The following EMID1 variants were observed in gnomAD, a reference collection of about 807,000 sequenced individuals.
EMID1 encodes EMI domain containing 1.
Under a neutral mutation model 60.6 loss-of-function variants are expected in EMID1, and 40 were observed. That is an observed-to-expected ratio of 0.66 (90% CI 0.51 to 0.86). The LOEUF (loss-of-function observed/expected upper bound fraction) is 0.86, where lower values mean the gene tolerates loss of function less well. Ranked by LOEUF, EMID1 falls within the 40% of genes least tolerant of loss-of-function variation. EMID1 has a pLI of 0.00. For synonymous variants in EMID1, 242 were observed against 231.0 expected (o/e 1.05, Z -0.43); for missense variants, 585 against 597.1 (o/e 0.98, Z 0.21).
chr22:29,237,901 T>C lies in EMID1; in HGVS notation c.1074+3552T>C, dbSNP rs2041013649. On this transcript the variant is annotated intron_variant, in intron 12 of 14. Coordinates refer to ENST00000334018, the MANE Select transcript of EMID1 (RefSeq NM_133455.4). ...TCCCAGTTGGCTTTATTTGTGATTCTAGAATCGGGCAACACTTCATTCCAT... is the reference window on the plus strand; with the variant it reads ...TCCCAGTTGGCTTTATTTGTGATTCCAGAATCGGGCAACACTTCATTCCAT... Among the ~76,000 whole-genome samples the C allele has an allele frequency of 1.4e-5, 2 of 145,126 alleles. 1 individual carries two copies. Among genetic ancestry groups the C allele is most frequent in the African/African-American group, 5.4e-5 (2 of 36,834 alleles).
intron 13 of EMID1, chr22:29,253,999 G>A (rs1180685523): frequency 3.0e-6 from 3 of 985,342 alleles, no homozygotes; most frequent in Non-Finnish European, 3.6e-6. Flanking sequence ...GGGAGGTCCT[G>A]CAGGGGTTGC....
chr22:29,234,909 G>T (rs2040885557), intron 12 of EMID1, among the ~76,000 whole-genome samples: 1 of 151,216 alleles, frequency 6.6e-6, no homozygotes, highest in Admixed American at 6.6e-5. Flanking sequence ...ATCATGGCTG[G>T]GTGTGGTGGC....
rs528680680 is a variant in EMID1, at chr22:29,205,912, C to T, written c.-127C>T. On this transcript the variant is annotated 5_prime_UTR_variant, in exon 1 of 15. Transcript: ENST00000334018. ...CGCCCGCCCGCCTCCTGCCCGCCCT[C>T]CGGCCGCGGAGCTGGAAACCGGGCT... 201 of 362,884 alleles carry T rather than the reference C, an allele frequency of 5.5e-4. 1 individual carries two copies. In the East Asian group the frequency reaches 0.027, roughly 49 times the overall value. The allele number at this position is 362,884 out of a possible 1,614,324, so 22.5% of individuals were successfully genotyped here.
At chr22:29,226,646 C>A in intron 5 of EMID1, 95 bp downstream of exon 5, 1 of 1,286,500 alleles carries the variant, frequency 7.8e-7, no homozygotes, top group Non-Finnish European at 1.1e-6. Flanking sequence ...CCCCGCACCC[C>A]ATGCTCGCAC....
At chr22:29,218,830 CCA>C (rs2040183745) in intron 3 of EMID1, among the ~76,000 whole-genome samples, 1 of 152,186 alleles carries the variant, frequency 6.6e-6, no homozygotes, top group African/African-American at 2.4e-5. Context: ...CAGATCAGCC[CCA>C]CTGTCCGGAT....
At chr22:29,255,208 G>GGGCCCC in intron 14 of EMID1, 20 of 815,172 alleles carry the variant, frequency 2.5e-5, no homozygotes, top group Non-Finnish European at 3.2e-5. Flanking sequence ...TCCCCGCTTG[G>GGGCCCC]CTCCCCAGCC....
intron 12 of EMID1, among the ~76,000 whole-genome samples, chr22:29,240,347 G>A (rs1338297947): frequency 6.6e-6 from 1 of 152,152 alleles, no homozygotes; most frequent in Non-Finnish European, 1.5e-5. Flanking sequence ...AAAGCTGAGT[G>A]TTGGGAGGGA....
At chr22:29,220,025 A>G (rs77265047) in intron 3 of EMID1, among the ~76,000 whole-genome samples, 11,309 of 151,804 alleles carry the variant, frequency 0.074, 478 homozygotes, top group African/African-American at 0.099. Context: ...TGGAAGTCCC[A>G]GCAACCCCCA....
intron 1 of EMID1, among the ~76,000 whole-genome samples, chr22:29,211,326 T>G (rs2039872359): frequency 6.6e-6 from 1 of 152,240 alleles, no homozygotes; most frequent in Non-Finnish European, 1.5e-5. Flanking sequence ...CTGCTGGATT[T>G]GCCTTAGCCT....
intron 13 of EMID1, among the ~76,000 whole-genome samples, chr22:29,248,259 CT>C (rs33924066): frequency 0.033 from 3,822 of 115,858 alleles, 76 homozygotes; most frequent in Admixed American, 0.073. Flanking sequence ...GTGCCTGGCC[CT>C]TTTTTTTTTT....
chr22:29,231,329 C>G (rs2040732367), intron 6 of EMID1, 189 bp downstream of exon 6: 1 of 962,166 alleles, frequency 1.0e-6, no homozygotes, highest in African/African-American at 1.6e-5. Context: ...GCTGCAGTCC[C>G]TGGAGACCAA....
chr22:29,257,852 T>A (rs188117832), intron 14 of EMID1, among the ~76,000 whole-genome samples: 3 of 152,136 alleles, frequency 2.0e-5, no homozygotes, highest in African/African-American at 4.8e-5. Context: ...CCAGCTGGCA[T>A]TGGGGCCAGT....
At chr22:29,230,336 GA>G (rs35728607) in intron 5 of EMID1, among the ~76,000 whole-genome samples, 90,895 of 147,306 alleles carry the variant, frequency 0.62, 27,756 homozygotes, top group African/African-American at 0.63. Flanking sequence ...CTCCATCTTG[GA>G]AAAAAAAAAA....
At chr22:29,234,925 C>G (rs915800078) in intron 12 of EMID1, among the ~76,000 whole-genome samples, 2 of 151,668 alleles carry the variant, frequency 1.3e-5, no homozygotes, top group African/African-American at 4.8e-5. Flanking sequence ...GTGGCTCACA[C>G]CTGTAATCCC....
chr22:29,230,885 G>A lies in EMID1; in HGVS notation c.466-135G>A, dbSNP rs115096771. The stretch of plus-strand genomic sequence containing the variant: ...GCAGAAGGATCGCTTAAGCCCGGGT[G>A]GTTGAGGCTGCATGAGCCGTCATAG... On this transcript the variant is annotated intron_variant, in intron 5 of 14. Coordinates refer to ENST00000334018, the MANE Select transcript of EMID1 (RefSeq NM_133455.4). The A allele has an allele frequency of 7.7e-4, 871 of 1,134,904 alleles. 7 individuals carry two copies. In the African/African-American group the frequency reaches 0.012, roughly 15 times the overall value. 70.3% of individuals were successfully genotyped at this position (1,134,904 alleles called of 1,614,324 possible). A position where few individuals can be genotyped will look rare whatever the true frequency, so the allele number is the denominator to read the frequency against.
intron 13 of EMID1, among the ~76,000 whole-genome samples, chr22:29,247,491 C>T (rs1219503472): frequency 6.6e-6 from 1 of 152,200 alleles, no homozygotes; most frequent in Non-Finnish European, 1.5e-5. Flanking sequence ...TATGGTGTAG[C>T]CAATTGCTCC....
At chr22:29,240,593 G>C (rs2041118047) in intron 12 of EMID1, among the ~76,000 whole-genome samples, 1 of 152,224 alleles carries the variant, frequency 6.6e-6, no homozygotes, top group South Asian at 2.1e-4. Context: ...GTCTAGACTT[G>C]CTGGCTCCTT....
chr22:29,248,924 G>A (rs1359869584), intron 13 of EMID1, among the ~76,000 whole-genome samples: 1 of 152,190 alleles, frequency 6.6e-6, no homozygotes, highest in East Asian at 1.9e-4. Context: ...AGACCACTGT[G>A]GAGATATGCA....
intron 3 of EMID1, among the ~76,000 whole-genome samples, chr22:29,221,085 G>A (rs1288404281): frequency 1.3e-5 from 1 of 77,408 alleles, no homozygotes; most frequent in Non-Finnish European, 2.5e-5. Flanking sequence ...GTGTGTGTGT[G>A]TGTGTGTGTG....
Sources: gnomAD v4.1 joint callset for allele counts (sites outside exome capture counted in the v4.1 genomes callset) on GRCh38, gnomAD v4.1.1 for gene constraint, MANE v1.5 for transcripts, NCBI Gene and HGNC (gene_info 2026-07-23, HGNC 2026-07-21) for gene names.